Variants in SPCS2 observed in about 807,000 individuals in gnomAD.
SPCS2 encodes SPase 25 kDa subunit.
In SPCS2, 3 loss-of-function variants were observed where a neutral mutation model predicts 22.3. The ratio of observed to expected loss-of-function variants is 0.13; its 90% CI spans 0.06 to 0.35. The LOEUF (loss-of-function observed/expected upper bound fraction) is 0.35. Ranked by LOEUF, SPCS2 falls within the 10% of genes least tolerant of loss-of-function variation. The probability of loss-of-function intolerance (pLI) is 1.00; values close to 1 mark genes in which losing one functional copy is unlikely to be tolerated. For synonymous variants in SPCS2, 67 were observed against 97.2 expected (o/e 0.69, Z 1.83); for missense variants, 169 against 280.9 (o/e 0.60, Z 2.85).
chr11:74,957,319 C>T (rs569156331), intron 1 of SPCS2, among the ~76,000 whole-genome samples: 16 of 152,262 alleles, frequency 1.1e-4, no homozygotes, highest in Admixed American at 5.9e-4. Context: ...AAAAGAAACC[C>T]AGAAAAGTCA....
intron 1 of SPCS2, among the ~76,000 whole-genome samples, chr11:74,958,400 A>G (rs1948491502): frequency 6.6e-6 from 1 of 152,206 alleles, no homozygotes; most frequent in African/African-American, 2.4e-5. Context: ...TTGAGATACC[A>G]TGTTTTTGCT....
chr11:74,956,602 T>G (rs1948480432), intron 1 of SPCS2, among the ~76,000 whole-genome samples: 1 of 152,226 alleles, frequency 6.6e-6, no homozygotes, highest in South Asian at 2.1e-4. Context: ...CCCTTTCAAC[T>G]GGTCTTCCAG....
chr11:74,970,458 A>C (rs756867576), intron 4 of SPCS2, among the ~76,000 whole-genome samples: 1 of 152,236 alleles, frequency 6.6e-6, no homozygotes, highest in Non-Finnish European at 1.5e-5. Context: ...TATAGCCCAA[A>C]AGTGGTAGAG....
chr11:74,951,399 A>G (rs541710426), intron 1 of SPCS2, among the ~76,000 whole-genome samples: 1 of 152,356 alleles, frequency 6.6e-6, no homozygotes, highest in South Asian at 2.1e-4. Context: ...AGCCAAATAT[A>G]GGAGATGGGG....
At chr11:74,950,913 A>G (rs576207703) in intron 1 of SPCS2, among the ~76,000 whole-genome samples, 2 of 152,324 alleles carry the variant, frequency 1.3e-5, no homozygotes, top group Admixed American at 1.3e-4. Flanking sequence ...GCTTCAAGAC[A>G]TGTGAGAGTA....
chr11:74,976,843 G>GC lies in SPCS2; in HGVS notation c.495-9dup, dbSNP rs775660656. ...GTTTGGTTTTTAATTTGTTATCTTT[G>GC]CCCCCATGCTTAGGTTTGATGACAA... On this transcript the variant is annotated splice_polypyrimidine_tract_variant and intron_variant, in intron 4 of 4. Coordinates refer to ENST00000263672, the MANE Select transcript of SPCS2 (RefSeq NM_014752.3). 5 of 1,613,504 alleles carry GC rather than the reference G, an allele frequency of 3.1e-6. No homozygotes were observed. Among genetic ancestry groups the GC allele is most frequent in the Non-Finnish European group, 3.4e-6 (4 of 1,179,564 alleles).
At chr11:74,965,467 G>T (rs511890) in intron 2 of SPCS2, among the ~76,000 whole-genome samples, 68,102 of 151,962 alleles carry the variant, frequency 0.45, 15,699 homozygotes, top group Middle Eastern at 0.53. Flanking sequence ...GCACAGAAGG[G>T]TGAGAGAAGA....
chr11:74,949,610 T>A (rs1170250505), intron 1 of SPCS2: 1 of 619,990 alleles, frequency 1.6e-6, no homozygotes, highest in Non-Finnish European at 3.0e-6. Flanking sequence ...CTTCTTCTTT[T>A]CTCGCAAGTG....
chr11:74,965,962 A>G (rs117854160), intron 3 of SPCS2, 39 bp downstream of exon 3: 39,712 of 1,551,850 alleles, frequency 0.026, 587 homozygotes, highest in Non-Finnish European at 0.029. Flanking sequence ...TCTAGTGACT[A>G]TTTTTTTAAA....
intron 3 of SPCS2, among the ~76,000 whole-genome samples, chr11:74,967,907 C>T (rs1035540867): frequency 3.9e-5 from 6 of 152,002 alleles, no homozygotes; most frequent in Non-Finnish European, 8.8e-5. Flanking sequence ...GTACTCTAGC[C>T]TGGGTGACAG....
intron 3 of SPCS2, 60 bp from the exon 4 acceptor site, chr11:74,969,505 T>C: frequency 2.6e-6 from 4 of 1,518,124 alleles, no homozygotes; most frequent in Middle Eastern, 1.7e-4. Flanking sequence ...ATCTGTTGCT[T>C]GTCAATTTGT....
intron 3 of SPCS2, among the ~76,000 whole-genome samples, chr11:74,966,660 C>CG (rs1383693364): frequency 6.6e-6 from 1 of 151,914 alleles, no homozygotes; most frequent in African/African-American, 2.4e-5. Flanking sequence ...TTTTTTTTCT[C>CG]AAGAAGTTGA....
chr11:74,961,494 G>A (rs76827476), intron 1 of SPCS2, among the ~76,000 whole-genome samples: 3,132 of 152,160 alleles, frequency 0.021, 124 homozygotes, highest in African/African-American at 0.071. Context: ...TTTGTATTTA[G>A]TCTAAATCCA....
chr11:74,963,446 A>T (rs1948525499), intron 1 of SPCS2: 3 of 305,148 alleles, frequency 9.8e-6, no homozygotes, highest in Non-Finnish European at 1.9e-5. Context: ...TAATATATAG[A>T]ATCACAGTTA....
chr11:74,953,278 C>T (rs1481087346), intron 1 of SPCS2, among the ~76,000 whole-genome samples: 3 of 151,790 alleles, frequency 2.0e-5, no homozygotes, highest in African/African-American at 4.8e-5. Context: ...CTGCAACCCC[C>T]GCCTCCCAGG....
rs556931340 is a variant in SPCS2 at position 74,977,105 on chromosome 11, G to A, written c.*62G>A. On this transcript the variant is annotated 3_prime_UTR_variant, in exon 5 of 5. Transcript: ENST00000263672. ...GCTGAATTAGTGGCTTGGGGGGTGGGGGAGATAAAAAGAACTTAAAATGGG... is the reference window on the plus strand; with the variant it reads ...GCTGAATTAGTGGCTTGGGGGGTGGAGGAGATAAAAAGAACTTAAAATGGG... 170 of 1,126,660 alleles carry A rather than the reference G, an allele frequency of 1.5e-4. No individual in the cohort carries two copies. The highest frequency in any genetic ancestry group is 2.0e-4 in the Non-Finnish European group (166 of 814,160). 69.8% of individuals were successfully genotyped at this position (1,126,660 alleles called of 1,614,324 possible). A position where few individuals can be genotyped will look rare whatever the true frequency, so the allele number is the denominator to read the frequency against.
At chr11:74,975,953 T>C (rs1213568670) in intron 4 of SPCS2, among the ~76,000 whole-genome samples, 1 of 152,210 alleles carries the variant, frequency 6.6e-6, no homozygotes, top group Non-Finnish European at 1.5e-5. Context: ...TTAAACCCTC[T>C]TGAATGAATG....
chr11:74,958,222 A>C (rs1948490652), intron 1 of SPCS2, among the ~76,000 whole-genome samples: 1 of 152,246 alleles, frequency 6.6e-6, no homozygotes, highest in Non-Finnish European at 1.5e-5. Context: ...GTGTGTGCTC[A>C]TAATTTAATT....
intron 3 of SPCS2, among the ~76,000 whole-genome samples, chr11:74,968,871 G>C (rs72990755): frequency 2.2e-3 from 340 of 152,122 alleles, no homozygotes; most frequent in Non-Finnish European, 3.2e-3. Context: ...ATTGTTCCTT[G>C]TTGGCCAGGC....
Sources: allele counts gnomAD v4.1 joint callset (sites outside exome capture counted in the v4.1 genomes callset), GRCh38; gene constraint gnomAD v4.1.1; transcripts MANE v1.5; gene names NCBI Gene and HGNC (gene_info 2026-07-23, HGNC 2026-07-21).